MSRB3: variants seen among roughly 807,000 people sequenced by gnomAD.
MSRB3 encodes the protein methionine sulfoxide reductase B3.
Under a neutral mutation model 21.0 loss-of-function variants are expected in MSRB3, and 13 were observed. The ratio of observed to expected loss-of-function variants is 0.62; its 90% CI spans 0.40 to 0.98. The LOEUF (loss-of-function observed/expected upper bound fraction) is 0.98, where lower values mean the gene tolerates loss of function less well. Among genes scored for constraint, MSRB3 ranks in the 50% least tolerant of loss-of-function variants. The pLI is 0.00. For missense variants in MSRB3, 199 were observed against 230.3 expected (o/e 0.86, Z 0.88); for synonymous variants, 87 against 88.6 (o/e 0.98, Z 0.10).
intron 4 of MSRB3, among the ~76,000 whole-genome samples, chr12:65,365,887 G>C (rs1457824763): frequency 6.6e-6 from 1 of 152,182 alleles, no homozygotes; most frequent in African/African-American, 2.4e-5. Flanking sequence ...CAAGCTGGGG[G>C]AGAGGAGGGA....
chr12:65,358,568 A>G (rs1877522852), intron 4 of MSRB3, among the ~76,000 whole-genome samples: 1 of 151,352 alleles, frequency 6.6e-6, no homozygotes, highest in Non-Finnish European at 1.5e-5. Flanking sequence ...TGTGTTTTTG[A>G]GTGCCTCTTA....
At chr12:65,357,134 A>G (rs1441027411) in intron 4 of MSRB3, among the ~76,000 whole-genome samples, 2 of 151,956 alleles carry the variant, frequency 1.3e-5, no homozygotes, top group African/African-American at 4.8e-5. Flanking sequence ...AAATGAAGGT[A>G]CTACTCATTA....
chr12:65,314,239 A>C (rs1272500880), intron 2 of MSRB3, among the ~76,000 whole-genome samples: 1 of 152,126 alleles, frequency 6.6e-6, no homozygotes, highest in Non-Finnish European at 1.5e-5. Flanking sequence ...TTTTATATGC[A>C]GCTAAATTTT....
intron 5 of MSRB3, among the ~76,000 whole-genome samples, chr12:65,426,140 G>T (rs1483583214): frequency 6.6e-6 from 1 of 152,166 alleles, no homozygotes; most frequent in Non-Finnish European, 1.5e-5. Context: ...GGGATTACAG[G>T]TGTGAGCCAC....
chr12:65,443,911 G>A (rs1451270936), intron 5 of MSRB3, among the ~76,000 whole-genome samples: 1 of 151,916 alleles, frequency 6.6e-6, no homozygotes, highest in Admixed American at 6.6e-5. Flanking sequence ...TTCTGTCTCT[G>A]TAATTTTGAC....
At chr12:65,414,274 G>A (rs745821963) in intron 5 of MSRB3, among the ~76,000 whole-genome samples, 3 of 152,182 alleles carry the variant, frequency 2.0e-5, no homozygotes, top group African/African-American at 4.8e-5. Context: ...ACAGTAATAC[G>A]GCCTGGGGAG....
rs1030463656 is a variant in MSRB3, at chr12:65,400,583, T to C, written c.292+31557T>C. Among the ~76,000 whole-genome samples the C allele has an allele frequency of 3.3e-5, 5 of 152,324 alleles. No homozygotes were observed. In the South Asian group the frequency reaches 6.2e-4, roughly 19 times the overall value. ...CAGCTCCTGGATTCATTGATTTTTT[T>C]GAAGGGTTTTTTGTGTCTTTATCTC... On this transcript the variant is annotated intron_variant, in intron 5 of 6. Coordinates refer to ENST00000308259, the MANE Select transcript of MSRB3 (RefSeq NM_001031679.3).
At chr12:65,320,401 C>CTT (rs1874587812) in intron 2 of MSRB3, among the ~76,000 whole-genome samples, 1 of 152,036 alleles carries the variant, frequency 6.6e-6, no homozygotes, top group Non-Finnish European at 1.5e-5. Context: ...TTTATACTTT[C>CTT]TTTGGTTATG....
chr12:65,312,065 G>A (rs1459035428), intron 2 of MSRB3, among the ~76,000 whole-genome samples: 1 of 151,974 alleles, frequency 6.6e-6, no homozygotes, highest in East Asian at 1.9e-4. Context: ...CACTGGATTA[G>A]GAGTTAGAAA....
At chr12:65,385,515 G>T (rs939166142) in intron 5 of MSRB3, among the ~76,000 whole-genome samples, 8 of 151,830 alleles carry the variant, frequency 5.3e-5, no homozygotes, top group African/African-American at 1.9e-4. Flanking sequence ...TCCAGTATGG[G>T]AAAAAGAATG....
rs185946831 is a variant in MSRB3 at position 65,331,743 on chromosome 12, G to A, written c.263+3140G>A. On this transcript the variant is annotated intron_variant, in intron 4 of 6. Coordinates refer to ENST00000308259, the MANE Select transcript of MSRB3 (RefSeq NM_001031679.3). ...GAAAGCAGAGTATGCTACCTAAGCT[G>A]GGTGCAGAAGGAGCTGTGTGCTCTG... is the stretch of plus-strand genomic sequence containing the variant. Among the ~76,000 whole-genome samples the A allele has an allele frequency of 2.0e-5, 3 of 152,340 alleles. No individual in the cohort carries two copies. The East Asian group carries it at 5.8e-4, about 29-fold the overall frequency.
chr12:65,400,433 T>C (rs1400497365), intron 5 of MSRB3, among the ~76,000 whole-genome samples: 1 of 152,166 alleles, frequency 6.6e-6, no homozygotes. Context: ...GTAGTTTGTA[T>C]TTCTGTGGGA....
intron 5 of MSRB3, among the ~76,000 whole-genome samples, chr12:65,453,361 C>A (rs1882943232): frequency 6.6e-6 from 1 of 152,096 alleles, no homozygotes; most frequent in South Asian, 2.1e-4. Flanking sequence ...TGGAAAACAT[C>A]GTAATGGAAG....
intron 6 of MSRB3, 182 bp downstream of exon 6, chr12:65,454,007 G>T (rs1004291246): frequency 1.4e-6 from 1 of 693,034 alleles, no homozygotes; most frequent in Non-Finnish European, 2.6e-6. Context: ...TGTTAAGGTC[G>T]GCATGATAGC....
intron 6 of MSRB3, among the ~76,000 whole-genome samples, chr12:65,457,802 A>T (rs1883158486): frequency 1.3e-5 from 2 of 151,788 alleles, no homozygotes; most frequent in Admixed American, 1.3e-4. Context: ...ATGAACAGAC[A>T]CTTCTCAAAA....
intron 5 of MSRB3, among the ~76,000 whole-genome samples, chr12:65,427,956 C>T (rs1202334205): frequency 6.6e-6 from 1 of 152,160 alleles, no homozygotes; most frequent in African/African-American, 2.4e-5. Flanking sequence ...CCCAGTGCAG[C>T]CACAGGACCC....
intron 5 of MSRB3, among the ~76,000 whole-genome samples, chr12:65,450,207 A>G (rs1246602067): frequency 6.6e-6 from 1 of 152,162 alleles, no homozygotes; most frequent in Admixed American, 6.5e-5. Flanking sequence ...TATATTTGAG[A>G]TGAAAATGAG....
chr12:65,372,241 T>C (rs980478582), intron 5 of MSRB3, among the ~76,000 whole-genome samples: 2 of 152,184 alleles, frequency 1.3e-5, no homozygotes, highest in African/African-American at 2.4e-5. Context: ...TTGTGGTGAA[T>C]TGTATAATTA....
chr12:65,420,115 C>T, intron 5 of MSRB3: 1 of 419,462 alleles, frequency 2.4e-6, no homozygotes, highest in Non-Finnish European at 4.6e-6. Context: ...TAATTTTATT[C>T]TTCTGAATGT....
Sources: gnomAD v4.1 joint callset for allele counts (sites outside exome capture counted in the v4.1 genomes callset) on GRCh38, gnomAD v4.1.1 for gene constraint, MANE v1.5 for transcripts, NCBI Gene and HGNC (gene_info 2026-07-23, HGNC 2026-07-21) for gene names.